Variants in MAML2 observed in about 807,000 individuals in gnomAD.
MAML2 encodes the protein mastermind-like protein 2.
MAML2 carries 22 observed loss-of-function variants against 96.1 expected under a neutral mutation model. The observed-to-expected ratio is 0.23, with a 90% CI of 0.16 to 0.33. The LOEUF (loss-of-function observed/expected upper bound fraction) is 0.33. MAML2 is among the 10% of genes least tolerant of loss of function. MAML2 has a pLI of 1.00. For missense variants in MAML2, 1,367 were observed against 1,392.4 expected, an observed-to-expected ratio of 0.98 and a Z score of 0.29; for synonymous variants, 561 against 521.3, an observed-to-expected ratio of 1.08 and a Z score of -1.04.
chr11:96,335,175 G>A (rs1863903676), intron 1 of MAML2, among the ~76,000 whole-genome samples: 1 of 152,144 alleles, frequency 6.6e-6, no homozygotes, highest in Non-Finnish European at 1.5e-5. Context: ...TGGACCTTAA[G>A]GCAAGTAAAA....
intron 1 of MAML2, among the ~76,000 whole-genome samples, chr11:96,166,258 G>T (rs1341271581): frequency 1.3e-5 from 2 of 151,414 alleles, no homozygotes; most frequent in Non-Finnish European, 2.9e-5. Context: ...AAGCCCCAGG[G>T]ATTGCAAAAA....
chr11:96,035,667 T>TG (rs1362127404), intron 2 of MAML2, among the ~76,000 whole-genome samples: 2 of 152,220 alleles, frequency 1.3e-5, no homozygotes, highest in Non-Finnish European at 2.9e-5. Flanking sequence ...AGATTACTGC[T>TG]GTGCTTTCCC....
chr11:96,282,258 ATAAT>A (rs1294431293), intron 1 of MAML2, among the ~76,000 whole-genome samples: 3 of 126,248 alleles, frequency 2.4e-5, no homozygotes, highest in Non-Finnish European at 3.5e-5. Flanking sequence ...CAAAAAAAAA[ATAAT>A]AATAATAATA....
chr11:96,147,456 A>C (rs1301228812), intron 1 of MAML2, among the ~76,000 whole-genome samples: 1 of 152,208 alleles, frequency 6.6e-6, no homozygotes, highest in Non-Finnish European at 1.5e-5. Flanking sequence ...ACCCTCCCTT[A>C]ATCAGATACA....
At chr11:96,113,624 G>GA (rs1330279632) in intron 1 of MAML2, among the ~76,000 whole-genome samples, 5 of 140,716 alleles carry the variant, frequency 3.6e-5, no homozygotes, top group South Asian at 4.6e-4. Flanking sequence ...AAAAAGAAAA[G>GA]AAAAAAAAGA....
chr11:96,119,224 C>T (rs1860294805), intron 1 of MAML2, among the ~76,000 whole-genome samples: 1 of 152,148 alleles, frequency 6.6e-6, no homozygotes, highest in South Asian at 2.1e-4. Flanking sequence ...GCAAAAGAGA[C>T]TGTGTTCTAA....
At chr11:96,136,863 G>A (rs1860641867) in intron 1 of MAML2, among the ~76,000 whole-genome samples, 1 of 152,168 alleles carries the variant, frequency 6.6e-6, no homozygotes, top group African/African-American at 2.4e-5. Flanking sequence ...TCAATAGGAT[G>A]AACATTAAAA....
At chr11:96,074,442 CA>C (rs1859399836) in intron 2 of MAML2, among the ~76,000 whole-genome samples, 1 of 152,220 alleles carries the variant, frequency 6.6e-6, no homozygotes, top group African/African-American at 2.4e-5. Context: ...CAGATATCTG[CA>C]AGATGTAATT....
chr11:96,333,508 C>T (rs59207659), intron 1 of MAML2, among the ~76,000 whole-genome samples: 9,145 of 152,246 alleles, frequency 0.06, 493 homozygotes, highest in East Asian at 0.3. Flanking sequence ...AATTAAGAAT[C>T]GTCATCAATA....
At chr11:96,307,092 G>T (rs75386803) in intron 1 of MAML2, among the ~76,000 whole-genome samples, 6 of 151,966 alleles carry the variant, frequency 3.9e-5, no homozygotes, top group African/African-American at 1.5e-4. Context: ...TTGGCACCTC[G>T]CCCAACAAAA....
Position 96,128,298 on chromosome 11 carries a change from A to C in MAML2, c.514-34781T>G, listed in dbSNP as rs943898342. Among the ~76,000 whole-genome samples the C allele has an allele frequency of 3.6e-4, 54 of 152,062 alleles. 1 individual carries two copies. The highest frequency in any genetic ancestry group is 6.6e-5 in the Admixed American group (1 of 15,262). ...AGTCCCAACTACTTGGGAGGCTGAG[A>C]CAGGAAAATTGCTTGAACCTGGAAG... On this transcript the variant is annotated intron_variant, in intron 1 of 4. Transcript: ENST00000524717.
At chr11:96,048,121 T>A (rs1476142047) in intron 2 of MAML2, among the ~76,000 whole-genome samples, 1 of 152,098 alleles carries the variant, frequency 6.6e-6, no homozygotes, top group Non-Finnish European at 1.5e-5. Context: ...ATGCTCTGTT[T>A]GGACAGCCAG....
intron 1 of MAML2, among the ~76,000 whole-genome samples, chr11:96,284,000 A>C (rs1863105177): frequency 1.3e-5 from 2 of 152,148 alleles, no homozygotes; most frequent in African/African-American, 4.8e-5. Context: ...CCCTCTAGAT[A>C]ATCAACTATA....
At chr11:96,029,837 C>T (rs908662738) in intron 2 of MAML2, among the ~76,000 whole-genome samples, 4 of 152,178 alleles carry the variant, frequency 2.6e-5, no homozygotes, top group African/African-American at 9.7e-5. Flanking sequence ...GAAACCCCAT[C>T]TCATGTCAAA....
intron 1 of MAML2, among the ~76,000 whole-genome samples, chr11:96,172,852 C>T (rs1022233513): frequency 1.3e-5 from 2 of 152,216 alleles, no homozygotes; most frequent in East Asian, 3.8e-4. Flanking sequence ...CAGCAGAACA[C>T]ATGTGTACAG....
intron 1 of MAML2, among the ~76,000 whole-genome samples, chr11:96,145,647 T>G (rs1476670479): frequency 6.6e-6 from 1 of 152,204 alleles, no homozygotes; most frequent in Non-Finnish European, 1.5e-5. Context: ...AAATAAATCC[T>G]CTAACAGTTT....
chr11:96,324,340 A>G (rs1863746697), intron 1 of MAML2, among the ~76,000 whole-genome samples: 1 of 152,212 alleles, frequency 6.6e-6, no homozygotes, highest in African/African-American at 2.4e-5. Flanking sequence ...CATTCAGAAA[A>G]CGCTTAGAAG....
chr11:96,103,201 A>G (rs1043019824), intron 1 of MAML2, among the ~76,000 whole-genome samples: 16 of 152,202 alleles, frequency 1.1e-4, no homozygotes, highest in African/African-American at 3.4e-4. Context: ...TGATTATAGA[A>G]GCCAACAGAA....
At chr11:95,997,632 T>C (rs1858012706) in intron 2 of MAML2, among the ~76,000 whole-genome samples, 1 of 152,218 alleles carries the variant, frequency 6.6e-6, no homozygotes, top group Non-Finnish European at 1.5e-5. Flanking sequence ...AACATTTTTA[T>C]GAGTTTTAGA....
Sources: gnomAD v4.1 joint callset for allele counts (sites outside exome capture counted in the v4.1 genomes callset) on GRCh38, gnomAD v4.1.1 for gene constraint, MANE v1.5 for transcripts, NCBI Gene and HGNC (gene_info 2026-07-23, HGNC 2026-07-21) for gene names.